CRACD: variants seen among roughly 807,000 people sequenced by gnomAD.
CRACD encodes the protein capping protein inhibiting regulator of actin dynamics.
Under a neutral mutation model 106.8 loss-of-function variants are expected in CRACD, and 56 were observed. The observed-to-expected ratio is 0.52, with a 90% CI of 0.42 to 0.66. CRACD has a LOEUF of 0.66. CRACD is among the 30% of genes least tolerant of loss of function. CRACD has a pLI of 0.00. For synonymous variants in CRACD, 754 were observed against 670.8 expected (o/e 1.12, Z -1.92); for missense variants, 1,730 against 1,623.2 (o/e 1.07, Z -1.13).
In CRACD at chr4:56,328,169, G is replaced by A; in HGVS notation, c.*365G>A. 1.0e-5 allele frequency: 4 copies of A among 387,746 alleles called. No individual in the cohort carries two copies. Among genetic ancestry groups the A allele is most frequent in the South Asian group, 8.3e-5 (4 of 48,192 alleles). The allele number at this position is 387,746 out of a possible 1,614,324, so 24.0% of individuals were successfully genotyped here. ...TGTACTTTTGCCAACCTTTGGTAAT[G>A]GTTTTTTGATTCTATGCACTAATTT... is the stretch of plus-strand genomic sequence containing the variant. On this transcript the variant is annotated 3_prime_UTR_variant, in exon 11 of 11. Transcript: ENST00000682029.
At chr4:56,172,164 C>T (rs146810501) in intron 1 of CRACD, among the ~76,000 whole-genome samples, 31 of 152,048 alleles carry the variant, frequency 2.0e-4, no homozygotes, top group African/African-American at 7.2e-4. Flanking sequence ...AAGATAGTAT[C>T]ACTATTTAGG....
At chr4:56,060,935 C>G (rs1030120165) in intron 1 of CRACD, among the ~76,000 whole-genome samples, 9 of 152,158 alleles carry the variant, frequency 5.9e-5, no homozygotes, top group African/African-American at 2.2e-4. Flanking sequence ...TCTTGGACTT[C>G]CCAGCCTCCA....
chr4:56,205,479 G>A (rs1317302536), intron 2 of CRACD, among the ~76,000 whole-genome samples: 2 of 151,830 alleles, frequency 1.3e-5, no homozygotes, highest in African/African-American at 2.4e-5. Context: ...AGCGTGCCCC[G>A]ATAAACTGTT....
intron 1 of CRACD, among the ~76,000 whole-genome samples, chr4:56,154,904 T>G (rs1190549232): frequency 6.6e-6 from 1 of 152,206 alleles, no homozygotes; most frequent in South Asian, 2.1e-4. Context: ...ATCTAAGAGA[T>G]ATTTTAGACC....
In CRACD at chr4:56,082,553, G is replaced by GT. The variant is rs1465614320; in HGVS notation, c.-336+33255dup. The stretch of plus-strand genomic sequence containing the variant: ...GATGGAGTGAAGTAGATAGATTTGT[G>GT]TATGTTTTGGGTTGATAGCCTATAG... On this transcript the variant is annotated intron_variant, in intron 1 of 10. Coordinates refer to ENST00000682029, the MANE Select transcript of CRACD (RefSeq NM_001393381.1). 3.9e-5 allele frequency among the ~76,000 whole-genome samples: 6 copies of GT among 152,232 alleles called. No homozygotes were observed. In the South Asian group the frequency reaches 1.2e-3, roughly 32 times the overall value.
At chr4:56,147,975 C>T (rs1735446850) in intron 1 of CRACD, among the ~76,000 whole-genome samples, 1 of 152,040 alleles carries the variant, frequency 6.6e-6, no homozygotes, top group South Asian at 2.1e-4. Flanking sequence ...TGACTTGTGT[C>T]CTTATAATGA....
At position 56,323,468 on chromosome 4, in the gene CRACD, A is replaced by G. The variant is rs1746235442; in HGVS notation, c.3279A>G (p.Ala1093=). The G allele has an allele frequency of 6.2e-7, 1 of 1,612,148 alleles. No homozygotes were observed. ...CTCAGCCGCTGTGGATAACGTTAGC[A>G]CTGCAAAAGCAAAAGGGGTTTCGGG... ...ETAQPLWITL[A]LQKQKGFREQ... Residue 1093 remains alanine (A), a synonymous_variant, in exon 9 of 11, where the codon GCA becomes GCG. Transcript: ENST00000682029.
At chr4:56,318,299 C>A (rs979549132) in intron 8 of CRACD, among the ~76,000 whole-genome samples, 2 of 152,110 alleles carry the variant, frequency 1.3e-5, no homozygotes, top group African/African-American at 4.8e-5. Context: ...CCCAGCTTGT[C>A]CTTTTTTAAA....
At chr4:56,076,158 T>A (rs189701531) in intron 1 of CRACD, among the ~76,000 whole-genome samples, 6 of 152,180 alleles carry the variant, frequency 3.9e-5, no homozygotes, top group African/African-American at 7.2e-5. Flanking sequence ...TGTTTCCTTA[T>A]AAGAGGAAAT....
chr4:56,119,333 T>C (rs1172102014), intron 1 of CRACD, among the ~76,000 whole-genome samples: 8 of 152,028 alleles, frequency 5.3e-5, no homozygotes, highest in African/African-American at 1.9e-4. Flanking sequence ...CTCAGTCTTT[T>C]TTTTTTTCTT....
At chr4:56,107,085 C>G (rs1261918814) in intron 1 of CRACD, among the ~76,000 whole-genome samples, 2 of 152,150 alleles carry the variant, frequency 1.3e-5, no homozygotes, top group East Asian at 3.9e-4. Context: ...ATCCTCCCCC[C>G]TTTTAGCCTA....
intron 1 of CRACD, among the ~76,000 whole-genome samples, chr4:56,078,218 T>C (rs1732908119): frequency 6.6e-6 from 1 of 152,204 alleles, no homozygotes; most frequent in Non-Finnish European, 1.5e-5. Context: ...TTTTATTGGT[T>C]TCATAACTCA....
intron 2 of CRACD, among the ~76,000 whole-genome samples, chr4:56,254,381 A>G (rs1741219432): frequency 8.3e-6 from 1 of 120,150 alleles, no homozygotes; most frequent in East Asian, 2.6e-4. Flanking sequence ...AATCTTTTAA[A>G]GCAGAGTTTT....
intron 2 of CRACD, among the ~76,000 whole-genome samples, chr4:56,260,882 TATCCATCCATCCATCC>T (rs11276099): frequency 2.0e-5 from 3 of 149,960 alleles, no homozygotes; most frequent in African/African-American, 4.9e-5. Flanking sequence ...TCTGTCTGTG[TATCCATCCATCCATCC>T]ATCCATCCAT....
At chr4:56,275,530 A>G (rs1490729647) in intron 3 of CRACD, among the ~76,000 whole-genome samples, 1 of 152,260 alleles carries the variant, frequency 6.6e-6, no homozygotes, top group East Asian at 1.9e-4. Context: ...TGACAATTGC[A>G]AAGTAATTTC....
chr4:56,228,510 C>T (rs1739432809), intron 2 of CRACD, among the ~76,000 whole-genome samples: 1 of 151,444 alleles, frequency 6.6e-6, no homozygotes, highest in South Asian at 2.1e-4. Flanking sequence ...GCCTGTAATC[C>T]CATAATCGCA....
At chr4:56,134,536 G>T (rs1275897955) in intron 1 of CRACD, among the ~76,000 whole-genome samples, 2 of 152,204 alleles carry the variant, frequency 1.3e-5, no homozygotes, top group African/African-American at 4.8e-5. Flanking sequence ...CTGTCTGAGA[G>T]AAGGAACTAG....
chr4:56,084,948 A>T (rs534789603), intron 1 of CRACD, among the ~76,000 whole-genome samples: 4 of 152,290 alleles, frequency 2.6e-5, no homozygotes, highest in Admixed American at 1.3e-4. Context: ...AGGCATTTTG[A>T]CTTGGATTAC....
At chr4:56,296,906 C>G (rs1024652344) in intron 3 of CRACD, among the ~76,000 whole-genome samples, 2 of 141,186 alleles carry the variant, frequency 1.4e-5, no homozygotes, top group Admixed American at 7.4e-5. Context: ...TTGTGCATTT[C>G]TTTTTTTTTG....
Sources: allele counts gnomAD v4.1 joint callset (sites outside exome capture counted in the v4.1 genomes callset), GRCh38; gene constraint gnomAD v4.1.1; transcripts MANE v1.5; gene names NCBI Gene and HGNC (gene_info 2026-07-23, HGNC 2026-07-21).